Variants in ACOX2 observed in about 807,000 individuals in gnomAD.
ACOX2 encodes the protein peroxisomal acyl-coenzyme A oxidase 2.
In ACOX2, 59 loss-of-function variants were observed where a neutral mutation model predicts 77.5. That is an observed-to-expected ratio of 0.76 (90% confidence interval 0.62 to 0.95). ACOX2 has a LOEUF of 0.95. ACOX2 is among the 40% of genes least tolerant of loss of function. The pLI, the probability that ACOX2 is intolerant of heterozygous loss-of-function variation, is 0.00. For missense variants in ACOX2, 837 were observed against 880.4 expected (o/e 0.95, Z 0.62); for synonymous variants, 317 against 340.1 (o/e 0.93, Z 0.75).
Position 58,534,258 on chromosome 3 carries a change from C to A in ACOX2, c.323+102G>T, listed in dbSNP as rs181046083. 2.3e-5 allele frequency: 36 copies of A among 1,576,118 alleles called. No homozygotes were observed. In the East Asian group the frequency reaches 7.4e-4, roughly 32 times the overall value. ...GGCACCTAGCATCCTGGTTTCCCAA[C>A]AAGTCTTCCCTTTGTTGGGGGAAAT... On this transcript the variant is annotated intron_variant, in intron 3 of 14. Transcript: ENST00000302819. The surrounding 1 kb of genome is among the most constrained non-coding windows in gnomAD (Gnocchi z 4.8).
In ACOX2 at chr3:58,528,182, T is replaced by A. The variant is rs1266901114; in HGVS notation, c.1155+612A>T. Among the ~76,000 whole-genome samples the A allele has an allele frequency of 6.6e-6, 1 of 152,196 alleles. No homozygotes were observed. Among genetic ancestry groups the A allele is most frequent in the African/African-American group, 2.4e-5 (1 of 41,432 alleles). ...TTATGTCCCTTGATCTCTCTGTGCC[T>A]CATTGCAGTTGGAAGGGTTAATGAG... is the stretch of plus-strand genomic sequence containing the variant. On this transcript the variant is annotated intron_variant, in intron 9 of 14. Coordinates refer to ENST00000302819, the MANE Select transcript of ACOX2 (RefSeq NM_003500.4). The surrounding 1 kb of genome is among the most constrained non-coding windows in gnomAD (Gnocchi z 5.6).
intron 13 of ACOX2, among the ~76,000 whole-genome samples, chr3:58,513,506 T>C (rs978720306): frequency 6.6e-6 from 1 of 152,200 alleles, no homozygotes; most frequent in Non-Finnish European, 1.5e-5. Flanking sequence ...GAGTTTTTCA[T>C]TTCCATTATC....
chr3:58,530,452 T>G lies in ACOX2; in HGVS notation c.992+14A>C. On this transcript the variant is annotated intron_variant, in intron 8 of 14. Transcript: ENST00000302819. ...CAGCATATCTGCGGTAGTCAGTCACTGGGCACCCCTTGCCTGGGCCGGAGC... is the reference window on the plus strand; with the variant it reads ...CAGCATATCTGCGGTAGTCAGTCACGGGGCACCCCTTGCCTGGGCCGGAGC... 6.2e-7 allele frequency: 1 copy of G among 1,612,242 alleles called. No homozygotes were observed. The highest frequency in any genetic ancestry group is 8.5e-7 in the Non-Finnish European group (1 of 1,178,782).
In ACOX2 at chr3:58,508,951, T is replaced by A; in HGVS notation, c.1925A>T (p.Asp642Val). ...GAACAGGCGTTCGTAGACGTTTCCATCATAACAGCCAAGTGCTGAATTTAA... is the reference window on the plus strand; with the variant it reads ...GAACAGGCGTTCGTAGACGTTTCCAACATAACAGCCAAGTGCTGAATTTAA... Reference protein sequence around the residue: ...QCLNSALGCYDGNVYERLFQW... With the variant: ...QCLNSALGCYVGNVYERLFQW... The change falls in exon 14 of 15, where the codon GAT becomes GTT. Residue 642 changes from aspartate to valine, a missense_variant. Physicochemically the swap from Asp to Val is radical, Grantham distance 152. Transcript: ENST00000302819. 6.2e-7 allele frequency: 1 copy of A among 1,614,194 alleles called. No homozygotes were observed. Among genetic ancestry groups the A allele is most frequent in the African/African-American group, 1.3e-5 (1 of 75,062 alleles).
chr3:58,512,052 C>T lies in ACOX2; in HGVS notation c.1851-3027G>A, dbSNP rs6795193. ...ACGCCAATGACTTCCAAACTTATCCCTCCAGTGTCCCCTGCTTACCAACAT... is the reference window on the plus strand; with the variant it reads ...ACGCCAATGACTTCCAAACTTATCCTTCCAGTGTCCCCTGCTTACCAACAT... On this transcript the variant is annotated intron_variant, in intron 13 of 14. Transcript: ENST00000302819. The surrounding 1 kb of genome is among the most constrained non-coding windows in gnomAD (Gnocchi z 4.8). Among the ~76,000 whole-genome samples the T allele has an allele frequency of 0.28, 42,555 of 152,090 alleles. 6,372 individuals carry two copies. The highest frequency in any genetic ancestry group is 0.36 in the Middle Eastern group (105 of 294).
Position 58,531,426 on chromosome 3 carries a change from G to T in ACOX2, c.704-60C>A. On this transcript the variant is annotated intron_variant, in intron 6 of 14. Transcript: ENST00000302819. This position sits in a 1 kb window ranked among gnomAD's most constrained non-coding sequence, Gnocchi z 5.8. The stretch of plus-strand genomic sequence containing the variant: ...TGAGAGAGTGCTTGCTATGTGGCAG[G>T]TATCATACACACATTCCAGGTCACA... 3 of 1,476,950 alleles carry T rather than the reference G, an allele frequency of 2.0e-6. No individual in the cohort carries two copies. Among genetic ancestry groups the T allele is most frequent in the Non-Finnish European group, 2.8e-6 (3 of 1,061,062 alleles). 91.5% of individuals were successfully genotyped at this position (1,476,950 alleles called of 1,614,324 possible).
Position 58,533,304 on chromosome 3 carries a change from G to A in ACOX2, c.583+141C>T, listed in dbSNP as rs1021091155. ...GAGTAAGAACCTGAGGCTCAGGTTG[G>A]TGAACTGACTTGCCCAAGGTCAGCA... On this transcript the variant is annotated intron_variant, in intron 5 of 14. Coordinates refer to ENST00000302819, the MANE Select transcript of ACOX2 (RefSeq NM_003500.4). The surrounding 1 kb of genome is among the most constrained non-coding windows in gnomAD (Gnocchi z 5.6). 2.8e-6 allele frequency: 2 copies of A among 714,490 alleles called. No individual in the cohort carries two copies. Among genetic ancestry groups the A allele is most frequent in the African/African-American group, 3.5e-5 (2 of 56,626 alleles). The allele number at this position is 714,490 out of a possible 1,614,324, so 44.3% of individuals were successfully genotyped here. A position where few individuals can be genotyped will look rare whatever the true frequency, so the allele number is the denominator to read the frequency against.
rs750721418 is a variant in ACOX2 at position 58,517,288 on chromosome 3, C to T, written c.1768G>A (p.Asp590Asn). 6.2e-7 allele frequency: 1 copy of T among 1,614,190 alleles called. No individual in the cohort carries two copies. Among genetic ancestry groups the T allele is most frequent in the East Asian group, 2.2e-5 (1 of 44,876 alleles). The change falls in exon 13 of 15, where the codon GAC becomes AAC. Residue 590 changes from aspartate to asparagine, a missense_variant. Asp to Asn is a conservative substitution (Grantham distance 23, BLOSUM62 1). Coordinates refer to ENST00000302819, the MANE Select transcript of ACOX2 (RefSeq NM_003500.4). The part of the protein sequence containing the change: ...AIHGILTNSG[D>N]FLHDAFLSGA... Reference sequence around the variant, plus strand: ...GACAGGAAGGCGTCATGGAGAAAGTCACCCGAGTTAGTCAAGATTCCATGT... The same window carrying T: ...GACAGGAAGGCGTCATGGAGAAAGTTACCCGAGTTAGTCAAGATTCCATGT...
chr3:58,517,351 G>A lies in ACOX2; in HGVS notation c.1705C>T (p.Gln569Ter). Residue 569 changes from glutamine (Q) to a stop codon, truncating the protein, a stop_gained, in exon 13 of 15, where the codon CAG (glutamine) becomes TAG (stop). Transcript: ENST00000302819. LOFTEE classifies it high-confidence loss of function. ...LEKLENEPAI[Q>*]QVLKRLCDLH... The stretch of plus-strand genomic sequence containing the variant: ...TCACAGAGGCGCTTGAGCACCTGCT[G>A]AATCGCTGGTTCATTTTCTAGTTTC... The A allele has an allele frequency of 1.9e-6, 3 of 1,614,162 alleles. No homozygotes were observed. Among genetic ancestry groups the A allele is most frequent in the East Asian group, 2.2e-5 (1 of 44,874 alleles).
rs774401121 is a variant in ACOX2, at chr3:58,517,350, T to C, written c.1706A>G (p.Gln569Arg). The C allele has an allele frequency of 1.4e-5, 22 of 1,614,114 alleles. No homozygotes were observed. Among genetic ancestry groups the C allele is most frequent in the Non-Finnish European group, 1.9e-5 (22 of 1,180,048 alleles). ...LEKLENEPAIQQVLKRLCDLH... is the reference protein window; with the variant it reads ...LEKLENEPAIRQVLKRLCDLH... The stretch of plus-strand genomic sequence containing the variant: ...GTCACAGAGGCGCTTGAGCACCTGC[T>C]GAATCGCTGGTTCATTTTCTAGTTT... The change falls in exon 13 of 15, where the codon CAG becomes CGG. Residue 569 changes from glutamine to arginine, a missense_variant. Gln to Arg is a conservative substitution (Grantham distance 43). Transcript: ENST00000302819.
Position 58,531,328 on chromosome 3 carries a change from C to G in ACOX2, c.742G>C (p.Asp248His). The stretch of plus-strand genomic sequence containing the variant: ...TGCAGGAAGCCATTGTCTGTTTGAT[C>G]AAAGTCCATCTTGGGTCCGATGTCC... ...IGDIGPKMDF[D>H]QTDNGFLQLN... The change falls in exon 7 of 15, where the codon GAT becomes CAT. Residue 248 changes from aspartate to histidine, a missense_variant. Coordinates refer to ENST00000302819, the MANE Select transcript of ACOX2 (RefSeq NM_003500.4). The surrounding 1 kb of genome is among the most constrained non-coding windows in gnomAD (Gnocchi z 5.8). 1 of 1,614,004 alleles carries G rather than the reference C, an allele frequency of 6.2e-7. No homozygotes were observed. Among genetic ancestry groups the G allele is most frequent in the South Asian group, 1.1e-5 (1 of 91,052 alleles).
Position 58,535,802 on chromosome 3 carries a change from CCT to C in ACOX2, c.-91-607_-91-606del, listed in dbSNP as rs1274185139. On this transcript the variant is annotated intron_variant, in intron 1 of 14. Transcript: ENST00000302819. The surrounding 1 kb of genome is among the most constrained non-coding windows in gnomAD (Gnocchi z 4.8). ...TTCATACCCAGGTTGGACCCTGTCTCCTTCATGGCAAGTGCTTGGCCTCTGAG... is the reference window on the plus strand; with the variant it reads ...TTCATACCCAGGTTGGACCCTGTCTCTCATGGCAAGTGCTTGGCCTCTGAG... Among the ~76,000 whole-genome samples, 67 of 152,302 alleles carry C rather than the reference CCT, an allele frequency of 4.4e-4. No individual in the cohort carries two copies. Among genetic ancestry groups the C allele is most frequent in the African/African-American group, 1.5e-3 (63 of 41,568 alleles).
rs1434574589 is a variant in ACOX2 at position 58,523,970 on chromosome 3, C to A, written c.1526+456G>T. ...TTTTGTCCATGTTCCCTGGAGCCTA[C>A]TAGACCCTGGAAATAAATGAATTCT... is the stretch of plus-strand genomic sequence containing the variant. On this transcript the variant is annotated intron_variant, in intron 11 of 14. Coordinates refer to ENST00000302819, the MANE Select transcript of ACOX2 (RefSeq NM_003500.4). The surrounding 1 kb of genome is among the most constrained non-coding windows in gnomAD (Gnocchi z 5.3). Among the ~76,000 whole-genome samples the A allele has an allele frequency of 6.6e-6, 1 of 152,188 alleles. No homozygotes were observed. The highest frequency in any genetic ancestry group is 1.5e-5 in the Non-Finnish European group (1 of 68,042).
Position 58,523,144 on chromosome 3 carries a change from A to G in ACOX2, c.1527-543T>C, listed in dbSNP as rs995198052. Among the ~76,000 whole-genome samples the G allele has an allele frequency of 5.9e-5, 9 of 152,166 alleles. No homozygotes were observed. The highest frequency in any genetic ancestry group is 1.2e-4 in the Non-Finnish European group (8 of 68,030). ...TAAATTAGTCATTAAATAACCTTTA[A>G]TCCCCTCTTATTTTCTATTCCCTGC... On this transcript the variant is annotated intron_variant, in intron 11 of 14. Transcript: ENST00000302819. The surrounding 1 kb of genome is among the most constrained non-coding windows in gnomAD (Gnocchi z 5.3).
chr3:58,534,958 C>A lies in ACOX2; in HGVS notation c.149G>T (p.Arg50Leu), dbSNP rs763287775. The A allele has an allele frequency of 6.2e-7, 1 of 1,614,184 alleles. No individual in the cohort carries two copies. ...CAGCTTCCCCTTACCAACTTTCCTG[C>A]GGAGTGCAGTGTTCTGGGCACCTCC... The part of the protein sequence containing the change: ...LDGGAQNTAL[R>L]RKVESIIHSY... The change falls in exon 2 of 15, where the codon CGC becomes CTC. Residue 50 changes from arginine to leucine, a missense_variant. Physicochemically the swap from Arg to Leu is moderately radical, Grantham distance 102 (BLOSUM62 -2). Transcript: ENST00000302819. This position sits in a 1 kb window ranked among gnomAD's most constrained non-coding sequence, Gnocchi z 4.8.
rs1383456151 is a variant in ACOX2, at chr3:58,508,985, C to G, written c.1891G>C (p.Asp631His). Residue 631 changes from aspartate (D) to histidine (H), a missense_variant, in exon 14 of 15, where the codon GAT (aspartate) becomes CAT (histidine). Coordinates refer to ENST00000302819, the MANE Select transcript of ACOX2 (RefSeq NM_003500.4). ...ILLTDAFDFT[D>H]QCLNSALGCY... ...CCAAGTGCTGAATTTAAACACTGAT[C>G]GGTGAAGTCAAAAGCATCAGTTAAC... 3.7e-6 allele frequency: 6 copies of G among 1,614,090 alleles called. No individual in the cohort carries two copies. Among genetic ancestry groups the G allele is most frequent in the South Asian group, 3.3e-5 (3 of 91,078 alleles).
Position 58,514,988 on chromosome 3 carries a change from G to A in ACOX2, c.1850+2218C>T, listed in dbSNP as rs749860512. ...TACCTGGGACATAATTGTGTCAAACGTATTTTTGACAGTTTTTGATGATTT... is the reference window on the plus strand; with the variant it reads ...TACCTGGGACATAATTGTGTCAAACATATTTTTGACAGTTTTTGATGATTT... On this transcript the variant is annotated intron_variant, in intron 13 of 14. Transcript: ENST00000302819. The surrounding 1 kb of genome is among the most constrained non-coding windows in gnomAD (Gnocchi z 4.3). 2.2e-4 allele frequency among the ~76,000 whole-genome samples: 34 copies of A among 151,890 alleles called. No homozygotes were observed. The highest frequency in any genetic ancestry group is 3.7e-4 in the Non-Finnish European group (25 of 67,978).
At position 58,526,174 on chromosome 3, in the gene ACOX2, G is replaced by T. The variant is rs540870351; in HGVS notation, c.1346+292C>A. On this transcript the variant is annotated intron_variant, in intron 10 of 14. Transcript: ENST00000302819. The surrounding 1 kb of genome is among the most constrained non-coding windows in gnomAD (Gnocchi z 4.3). ...GAAGCCGTTGAAGAATTTCAAACCA[G>T]AGAAAGATGTGATCCTCCCTAGGCT... Among the ~76,000 whole-genome samples the T allele has an allele frequency of 6.6e-6, 1 of 152,282 alleles. No homozygotes were observed. Among genetic ancestry groups the T allele is most frequent in the Admixed American group, 6.5e-5 (1 of 15,306 alleles).
rs757788685 is a variant in ACOX2 at position 58,531,705 on chromosome 3, T to A, written c.691A>T (p.Thr231Ser). The change falls in exon 6 of 15, where the codon ACC (threonine) becomes TCC (serine). Residue 231 changes from threonine (T) to serine (S), a missense_variant. Thr to Ser is a moderately conservative substitution (Grantham distance 58). Transcript: ENST00000302819. The surrounding 1 kb of genome is among the most constrained non-coding windows in gnomAD (Gnocchi z 5.8). ...ATTATGGGCTTACCTGGCAGTGGGG[T>A]GTGGTCCTGAAGACTCCGGATTGGC... ...IVPIRSLQDHTPLPGIIIGDI... is the reference protein window; with the variant it reads ...IVPIRSLQDHSPLPGIIIGDI... 6.2e-7 allele frequency: 1 copy of A among 1,613,976 alleles called. No homozygotes were observed. The highest frequency in any genetic ancestry group is 1.1e-5 in the South Asian group (1 of 91,058).
Sources: allele counts gnomAD v4.1 joint callset (sites outside exome capture counted in the v4.1 genomes callset), GRCh38; gene constraint gnomAD v4.1.1; non-coding constraint Gnocchi (gnomAD v3.1); transcripts MANE v1.5; gene names NCBI Gene and HGNC (gene_info 2026-07-23, HGNC 2026-07-21).